The following MMD2 variants were observed in gnomAD, a reference collection of about 807,000 sequenced individuals.
The protein encoded by MMD2 is monocyte to macrophage differentiation associated 2.
In MMD2, 30 loss-of-function variants were observed where a neutral mutation model predicts 33.5. The ratio of observed to expected loss-of-function variants is 0.90; its 90% CI spans 0.67 to 1.22. The LOEUF (loss-of-function observed/expected upper bound fraction) is 1.22. Among genes scored for constraint, MMD2 ranks in the 50% most tolerant of loss-of-function variants. The pLI is 0.00. For missense variants in MMD2, 364 were observed against 325.4 expected (o/e 1.12, Z -0.91); for synonymous variants, 129 against 123.0 (o/e 1.05, Z -0.32).
At chr7:4,896,073 T>C in the MMD2 span, among the ~76,000 whole-genome samples, 125 of 152,282 alleles carry the variant, frequency 8.2e-4, no homozygotes, top group Admixed American at 1.6e-3. Flanking sequence ...TAACAAACGA[T>C]GTTTTTGGCG....
At chr7:4,934,077 C>G (rs1439142057) in intron 1 of MMD2, among the ~76,000 whole-genome samples, 1 of 151,834 alleles carries the variant, frequency 6.6e-6, no homozygotes, top group Non-Finnish European at 1.5e-5. Context: ...TTACAGGCAT[C>G]CGCCACCACA....
chr7:4,949,824 T>C (rs941452693), intron 1 of MMD2, among the ~76,000 whole-genome samples: 1 of 152,156 alleles, frequency 6.6e-6, no homozygotes, highest in African/African-American at 2.4e-5. Context: ...TTTTTATGCC[T>C]GAACAGTACT....
chr7:4,898,485 G>A, the MMD2 span, among the ~76,000 whole-genome samples: 2 of 152,216 alleles, frequency 1.3e-5, no homozygotes, highest in Admixed American at 1.3e-4. Context: ...GACATAAGAT[G>A]GGATGGGATA....
chr7:4,935,859 C>A (rs920689010), intron 1 of MMD2, among the ~76,000 whole-genome samples: 2 of 151,940 alleles, frequency 1.3e-5, no homozygotes, highest in African/African-American at 4.8e-5. Context: ...ACCATTCTTG[C>A]AACTACCTGT....
chr7:4,920,781 A>G (rs935715892), intron 2 of MMD2, among the ~76,000 whole-genome samples: 8 of 132,268 alleles, frequency 6.0e-5, no homozygotes, highest in Middle Eastern at 4.3e-3. Flanking sequence ...GCAGTGGTGC[A>G]ATCGCAGTTC....
Position 4,907,558 on chromosome 7 carries a change from G to A in MMD2, c.579C>T (p.Val193=), listed in dbSNP as rs547702827. The change falls in exon 7 of 7, where the codon GTC becomes GTT. Residue 193 remains valine (V), a synonymous_variant. Coordinates refer to ENST00000401401, the MANE Select transcript of MMD2 (RefSeq NM_198403.4). ...EGIWELVTGG[V]FYCLGMVFFK... ...AGAAGACCATGCCCAGGCAGTAGAA[G>A]ACCCCTCCGGTCACCAGCTCCCAGA... 165 of 1,613,156 alleles carry A rather than the reference G, an allele frequency of 1.0e-4. 2 individuals carry two copies. The South Asian group carries it at 1.7e-3, about 16-fold the overall frequency.
intron 1 of MMD2, among the ~76,000 whole-genome samples, chr7:4,936,139 C>T (rs950595138): frequency 2.1e-5 from 3 of 146,148 alleles, no homozygotes; most frequent in Admixed American, 7.0e-5. Context: ...GAGCTGAGAT[C>T]GTGCCACTGC....
chr7:4,901,162 C>T (rs1229018887), downstream of MMD2, among the ~76,000 whole-genome samples: 1 of 148,274 alleles, frequency 6.7e-6, no homozygotes, highest in Admixed American at 6.8e-5. Flanking sequence ...GGATATAGGC[C>T]GGGTGTGGTG....
chr7:4,905,500 G>C (rs918348708), downstream of MMD2, among the ~76,000 whole-genome samples: 1 of 151,664 alleles, frequency 6.6e-6, no homozygotes, highest in Non-Finnish European at 1.5e-5. The surrounding 1 kb of genome is among the most constrained non-coding windows in gnomAD (Gnocchi z 5.0). Context: ...AAGAGGAGGA[G>C]GAAAGAAGGA....
rs144095762 is a variant in MMD2, at chr7:4,923,564, C to G, written c.129+1887G>C. On this transcript the variant is annotated intron_variant, in intron 2 of 6. Coordinates refer to ENST00000401401, the MANE Select transcript of MMD2 (RefSeq NM_198403.4). ...AGATAAGGAAACTGAGGCTCAGGGCCACTAAATGATGGAGCTGGGATTCAA... is the reference window on the plus strand; with the variant it reads ...AGATAAGGAAACTGAGGCTCAGGGCGACTAAATGATGGAGCTGGGATTCAA... Among the ~76,000 whole-genome samples, 353 of 152,200 alleles carry G rather than the reference C, an allele frequency of 2.3e-3. 1 individual carries two copies. The highest frequency in any genetic ancestry group is 7.8e-3 in the African/African-American group (325 of 41,530).
the MMD2 span, among the ~76,000 whole-genome samples, chr7:4,896,285 G>A: frequency 6.6e-6 from 1 of 152,120 alleles, no homozygotes; most frequent in African/African-American, 2.4e-5. Flanking sequence ...TTTGAGACCA[G>A]CCTGGGCAAC....
chr7:4,941,754 G>A (rs1024283213), intron 1 of MMD2, among the ~76,000 whole-genome samples: 1 of 151,406 alleles, frequency 6.6e-6, no homozygotes, highest in African/African-American at 2.4e-5. Flanking sequence ...TGTTATGTAG[G>A]TAAATTGCAT....
intron 1 of MMD2, 133 bp downstream of exon 1, chr7:4,958,838 G>T: frequency 1.3e-6 from 1 of 758,332 alleles, no homozygotes; most frequent in Non-Finnish European, 1.8e-6. Context: ...GTTTTCTCGG[G>T]CGGGGGTCAG....
chr7:4,920,761 A>C (rs1049543429), intron 2 of MMD2, among the ~76,000 whole-genome samples: 1 of 111,838 alleles, frequency 8.9e-6, no homozygotes, highest in Non-Finnish European at 1.7e-5. Flanking sequence ...CTTGTCCCCC[A>C]TGCTGGAGTG....
chr7:4,900,060 G>T, the MMD2 span, among the ~76,000 whole-genome samples: 1 of 152,050 alleles, frequency 6.6e-6, no homozygotes, highest in Non-Finnish European at 1.5e-5. Flanking sequence ...CTCGCACTTT[G>T]GGAGGCCGAG....
At chr7:4,947,534 C>T (rs190638575) in intron 1 of MMD2, among the ~76,000 whole-genome samples, 2 of 150,424 alleles carry the variant, frequency 1.3e-5, no homozygotes, top group Non-Finnish European at 1.5e-5. Flanking sequence ...TCTGGGATTA[C>T]AGGCGCATGC....
intron 1 of MMD2, among the ~76,000 whole-genome samples, chr7:4,943,782 C>T (rs1026666727): frequency 2.0e-5 from 3 of 152,196 alleles, no homozygotes. Context: ...AGACAAATCA[C>T]TGTTGTTGAC....
chr7:4,918,824 A>G (rs577818344), intron 3 of MMD2, among the ~76,000 whole-genome samples: 156 of 151,944 alleles, frequency 1.0e-3, no homozygotes, highest in African/African-American at 3.2e-3. Flanking sequence ...CTAGCCAGGC[A>G]CAGTGGCTCA....
the MMD2 span, among the ~76,000 whole-genome samples, chr7:4,898,706 C>CA: frequency 1.3e-5 from 2 of 152,190 alleles, no homozygotes; most frequent in Middle Eastern, 3.4e-3. Context: ...TCAAGACCAG[C>CA]TGGCCAACAT....
Sources: allele counts gnomAD v4.1 joint callset (sites outside exome capture counted in the v4.1 genomes callset), GRCh38; gene constraint gnomAD v4.1.1; non-coding constraint Gnocchi (gnomAD v3.1); transcripts MANE v1.5; gene names NCBI Gene and HGNC (gene_info 2026-07-23, HGNC 2026-07-21).